POLR1A: variants seen among roughly 807,000 people sequenced by gnomAD.
POLR1A encodes DNA-directed RNA polymerase I subunit RPA1.
A neutral mutation model predicts 205.3 loss-of-function variants in POLR1A; 84 were observed. The observed-to-expected ratio is 0.41, with a 90% CI of 0.34 to 0.49. The LOEUF is 0.49. Ranked by LOEUF, POLR1A falls within the 20% of genes least tolerant of loss-of-function variation. The pLI is 0.22. For missense variants in POLR1A, 1,645 were observed against 2,204.5 expected, an observed-to-expected ratio of 0.75 and a Z score of 5.08; for synonymous variants, 799 against 863.7, an observed-to-expected ratio of 0.93 and a Z score of 1.31.
At chr2:86,030,493 C>T in intron 30 of POLR1A, 97 bp from the exon 31 acceptor site, 1 of 867,096 alleles carries the variant, frequency 1.2e-6, no homozygotes. Context: ...CAGGAACTCC[C>T]TGGCTGGGGG....
At chr2:86,064,890 G>A (rs1356824168) in intron 14 of POLR1A, among the ~76,000 whole-genome samples, 3 of 151,806 alleles carry the variant, frequency 2.0e-5, no homozygotes, top group Non-Finnish European at 4.4e-5. Context: ...CGATTCTCTT[G>A]CCTCAGCCTC....
chr2:86,041,956 C>T lies in POLR1A; in HGVS notation c.3505G>A (p.Asp1169Asn), dbSNP rs779897004. ...VSETFETKVD[D>N]YSQEWAAQTE... The stretch of plus-strand genomic sequence containing the variant: ...TGAGCTGCCCACTCTTGACTGTAGT[C>T]ATCAACCTTTGTTTCAAATGTTTCT... Residue 1169 changes from aspartate (D) to asparagine (N), a missense_variant, in exon 24 of 34, where the codon GAC becomes AAC. Physicochemically the swap from Asp to Asn is conservative, Grantham distance 23. Coordinates refer to ENST00000263857, the MANE Select transcript of POLR1A (RefSeq NM_015425.6). 1.9e-6 allele frequency: 3 copies of T among 1,614,086 alleles called. No individual in the cohort carries two copies. In the South Asian group the frequency reaches 3.3e-5, roughly 18 times the overall value.
At chr2:86,090,014 T>G in intron 3 of POLR1A, 85 bp from the exon 4 acceptor site, 1 of 714,434 alleles carries the variant, frequency 1.4e-6, no homozygotes. Flanking sequence ...TCTCCAAGGG[T>G]GGAAAAGATT....
rs886896739 is a variant in POLR1A, at chr2:86,031,595, T to A, written c.4313A>T (p.Glu1438Val). ...ESEEEEEREG[E>V]ENDDEDMQEE... ...CTGCATGTCTTCATCGTCGTTCTCC[T>A]CGCCCTCCCTCTCCTCCTCTTCCTC... Residue 1438 changes from glutamate (E) to valine (V), a missense_variant, in exon 30 of 34, where the codon GAG becomes GTG. Glu to Val is a moderately radical substitution (Grantham distance 121, BLOSUM62 -2). Transcript: ENST00000263857. 6.2e-7 allele frequency: 1 copy of A among 1,613,320 alleles called. No homozygotes were observed. The highest frequency in any genetic ancestry group is 8.5e-7 in the Non-Finnish European group (1 of 1,179,440).
chr2:86,049,326 G>C (rs1672760192), intron 16 of POLR1A, 84 bp from the exon 17 acceptor site: 1 of 899,450 alleles, frequency 1.1e-6, no homozygotes, highest in East Asian at 2.4e-5. Flanking sequence ...CCAGAGCACA[G>C]AGTCCAGTGC....
At position 86,043,125 on chromosome 2, in the gene POLR1A, A is replaced by G; in HGVS notation, c.3206T>C (p.Phe1069Ser). 6.2e-7 allele frequency: 1 copy of G among 1,614,140 alleles called. No individual in the cohort carries two copies. The highest frequency in any genetic ancestry group is 8.5e-7 in the Non-Finnish European group (1 of 1,179,990). Residue 1069 changes from phenylalanine (F) to serine (S), a missense_variant, in exon 23 of 34, where the codon TTC becomes TCC. By Grantham distance (155) the Phe-to-Ser change is radical (BLOSUM62 -2). Transcript: ENST00000263857. Reference sequence around the variant, plus strand: ...GCTTTGCCATTTTTTGATAGCTCTGAAGTGGTGGAGAGCTTTTTTGGGATC... The same window carrying G: ...GCTTTGCCATTTTTTGATAGCTCTGGAGTGGTGGAGAGCTTTTTTGGGATC... ...RADPKKALHH[F>S]RAIKKWQSKH...
At chr2:86,044,044 G>T in intron 22 of POLR1A, 95 bp downstream of exon 22, 1 of 1,217,322 alleles carries the variant, frequency 8.2e-7, no homozygotes, top group Non-Finnish European at 1.2e-6. Flanking sequence ...ATGGCCACTT[G>T]GACTGGGTTG....
At position 86,027,534 on chromosome 2, in the gene POLR1A, C is replaced by T; in HGVS notation, c.5063-11G>A. The stretch of plus-strand genomic sequence containing the variant: ...GCTCATCGTGGGATCCTGACAGAGA[C>T]ACAAAAACATGTGTCAGGGTGTTGA... On this transcript the variant is annotated splice_polypyrimidine_tract_variant and intron_variant, in intron 33 of 33. Transcript: ENST00000263857. 6.2e-7 allele frequency: 1 copy of T among 1,609,346 alleles called. No homozygotes were observed. The highest frequency in any genetic ancestry group is 8.5e-7 in the Non-Finnish European group (1 of 1,175,668).
In POLR1A at chr2:86,080,700, C is replaced by T. The variant is rs1673384271; in HGVS notation, c.1086+116G>A. 5 of 1,003,534 alleles carry T rather than the reference C, an allele frequency of 5.0e-6. No homozygotes were observed. In the South Asian group the frequency reaches 9.0e-5, roughly 18 times the overall value. The allele number at this position is 1,003,534 out of a possible 1,614,324, so 62.2% of individuals were successfully genotyped here. On this transcript the variant is annotated intron_variant, in intron 9 of 33. Transcript: ENST00000263857. The stretch of plus-strand genomic sequence containing the variant: ...CCCAGAGCTCACACTAAGGCTGCTG[C>T]CAGCTGCACAGAACATCCCAGGAAG...
chr2:86,028,203 C>T lies in POLR1A; in HGVS notation c.4898-154G>A, dbSNP rs540139925. ...CCGCCACCTGCTCACGCTACTTAAC[C>T]CTTCCCCGTGGTCTGGGGCATCTTT... On this transcript the variant is annotated intron_variant, in intron 32 of 33. Transcript: ENST00000263857. The surrounding 1 kb of genome is among the most constrained non-coding windows in gnomAD (Gnocchi z 4.5). Among the ~76,000 whole-genome samples the T allele has an allele frequency of 6.6e-6, 1 of 152,304 alleles. No homozygotes were observed. The highest frequency in any genetic ancestry group is 1.9e-4 in the East Asian group (1 of 5,184).
At chr2:86,084,449 A>C (rs906175208) in intron 6 of POLR1A, among the ~76,000 whole-genome samples, 1 of 151,662 alleles carries the variant, frequency 6.6e-6, no homozygotes, top group Non-Finnish European at 1.5e-5. Flanking sequence ...ACAAAACAAA[A>C]ACCCCAAAAA....
At chr2:86,088,407 A>G (rs1673541618) in intron 6 of POLR1A, among the ~76,000 whole-genome samples, 159 bp downstream of exon 6, 1 of 152,174 alleles carries the variant, frequency 6.6e-6, no homozygotes, top group South Asian at 2.1e-4. Flanking sequence ...GGCGCTTGCC[A>G]GGGTCCCCTC....
At chr2:86,060,042 T>C (rs1225321247) in intron 14 of POLR1A, among the ~76,000 whole-genome samples, 3 of 152,174 alleles carry the variant, frequency 2.0e-5, no homozygotes, top group Non-Finnish European at 1.5e-5. Context: ...ATAAGGACAA[T>C]ATACAAAATT....
At chr2:86,036,917 T>C (rs756758039) in intron 27 of POLR1A, 2 of 152,244 alleles carry the variant, frequency 1.3e-5, no homozygotes, top group Non-Finnish European at 2.9e-5. Flanking sequence ...TTCAATTCCA[T>C]GAGGTAATAT....
intron 27 of POLR1A, among the ~76,000 whole-genome samples, chr2:86,038,311 C>T (rs1420485803): frequency 2.6e-5 from 4 of 152,224 alleles, no homozygotes; most frequent in African/African-American, 9.6e-5. Context: ...ATACTGCCTG[C>T]AGTAACACCC....
At chr2:86,048,850 T>C in intron 18 of POLR1A, 34 bp downstream of exon 18, 1 of 1,579,138 alleles carries the variant, frequency 6.3e-7, no homozygotes, top group Non-Finnish European at 8.7e-7. Context: ...GCATTCATAG[T>C]GGTGGGGATA....
At chr2:86,081,808 A>G (rs752370026) in intron 7 of POLR1A, 102 bp from the exon 8 acceptor site, 45 of 690,344 alleles carry the variant, frequency 6.5e-5, no homozygotes, top group Non-Finnish European at 9.5e-5. Context: ...AAAACAGAAT[A>G]CAAGATAATA....
At chr2:86,074,050 G>A (rs1673234686) in intron 12 of POLR1A, among the ~76,000 whole-genome samples, 1 of 152,208 alleles carries the variant, frequency 6.6e-6, no homozygotes, top group African/African-American at 2.4e-5. Context: ...GTCACCAAAG[G>A]AGAATACAGT....
At chr2:86,084,499 A>G (rs577911064) in intron 6 of POLR1A, among the ~76,000 whole-genome samples, 1 of 152,148 alleles carries the variant, frequency 6.6e-6, no homozygotes, top group African/African-American at 2.4e-5. Context: ...GCATTACTCA[A>G]TGTTCCTTTT....
Sources: gnomAD v4.1 joint callset for allele counts (sites outside exome capture counted in the v4.1 genomes callset) on GRCh38, gnomAD v4.1.1 for gene constraint, Gnocchi (gnomAD v3.1) non-coding constraint, MANE v1.5 for transcripts, NCBI Gene and HGNC (gene_info 2026-07-23, HGNC 2026-07-21) for gene names.